FAM3C: variants seen among roughly 807,000 people sequenced by gnomAD.
FAM3C encodes FAM3 metabolism regulating signaling molecule C.
Under a neutral mutation model 32.5 loss-of-function variants are expected in FAM3C, and 15 were observed. The ratio of observed to expected loss-of-function variants is 0.46; its 90% confidence interval spans 0.31 to 0.71. FAM3C has a LOEUF of 0.71. Among genes scored for constraint, FAM3C ranks in the 30% least tolerant of loss-of-function variants. FAM3C has a pLI of 0.05. For missense variants in FAM3C, 175 were observed against 274.4 expected (o/e 0.64, Z 2.56); for synonymous variants, 75 against 86.1 (o/e 0.87, Z 0.72).
chr7:121,387,864 T>G (rs1387356723), intron 1 of FAM3C, among the ~76,000 whole-genome samples: 1 of 152,102 alleles, frequency 6.6e-6, no homozygotes, highest in Non-Finnish European at 1.5e-5. Context: ...ATTCCAAATA[T>G]TTAGCTTTAA....
At chr7:121,381,045 T>C (rs1794340810) in intron 2 of FAM3C, among the ~76,000 whole-genome samples, 1 of 152,108 alleles carries the variant, frequency 6.6e-6, no homozygotes, top group Non-Finnish European at 1.5e-5. Flanking sequence ...TCCATGGGGT[T>C]AGAGTTCTGG....
chr7:121,358,759 T>C (rs1584691148), intron 8 of FAM3C, among the ~76,000 whole-genome samples: 1 of 152,150 alleles, frequency 6.6e-6, no homozygotes, highest in Non-Finnish European at 1.5e-5. Context: ...TTCTCAAGTA[T>C]ACAAGGAGAG....
chr7:121,367,344 A>G (rs898330219), intron 5 of FAM3C, among the ~76,000 whole-genome samples: 6 of 152,182 alleles, frequency 3.9e-5, no homozygotes, highest in African/African-American at 1.4e-4. Flanking sequence ...GGCTTGGCAA[A>G]CTATAGCTCA....
intron 8 of FAM3C, among the ~76,000 whole-genome samples, chr7:121,355,649 T>C (rs185416764): frequency 7.3e-4 from 111 of 152,270 alleles, no homozygotes; most frequent in African/African-American, 2.6e-3. Context: ...AGTGAGCATA[T>C]GATAGTCTCA....
At chr7:121,381,857 C>T (rs879448521) in intron 2 of FAM3C, among the ~76,000 whole-genome samples, 2 of 152,104 alleles carry the variant, frequency 1.3e-5, no homozygotes, top group Admixed American at 6.6e-5. Flanking sequence ...GCATTTGTAA[C>T]AGCCCTCAGT....
At chr7:121,393,304 T>C (rs189468016) in intron 1 of FAM3C, among the ~76,000 whole-genome samples, 269 of 152,166 alleles carry the variant, frequency 1.8e-3, no homozygotes, top group Non-Finnish European at 2.6e-3. Context: ...AAAAAAATTA[T>C]AAAATTAGTC....
intron 8 of FAM3C, among the ~76,000 whole-genome samples, chr7:121,352,623 C>T (rs1341092556): frequency 1.3e-5 from 2 of 152,226 alleles, no homozygotes; most frequent in African/African-American, 4.8e-5. Context: ...GAGGCCTTCA[C>T]ATGAAATCTG....
intron 1 of FAM3C, among the ~76,000 whole-genome samples, chr7:121,395,464 T>TA (rs74647810): frequency 0.028 from 3,944 of 141,926 alleles, 110 homozygotes; most frequent in South Asian, 0.15. Flanking sequence ...TATTTTTTCT[T>TA]AAAAAAAAAA....
At chr7:121,394,850 G>A (rs1794653443) in intron 1 of FAM3C, among the ~76,000 whole-genome samples, 1 of 152,210 alleles carries the variant, frequency 6.6e-6, no homozygotes, top group Admixed American at 6.5e-5. Context: ...TTCAGTAAGT[G>A]ATTAACTTTT....
chr7:121,374,420 T>C (rs909859077), intron 3 of FAM3C, among the ~76,000 whole-genome samples: 1 of 152,232 alleles, frequency 6.6e-6, no homozygotes, highest in African/African-American at 2.4e-5. Flanking sequence ...TAATACCATA[T>C]AATAAATATA....
At chr7:121,351,326 T>C in intron 8 of FAM3C, 57 bp from the exon 9 acceptor site, 1 of 1,453,692 alleles carries the variant, frequency 6.9e-7, no homozygotes, top group Non-Finnish European at 9.3e-7. Context: ...ATGCTAATAC[T>C]GGTTCACTGG....
intron 3 of FAM3C, among the ~76,000 whole-genome samples, chr7:121,377,182 T>C (rs1387889652): frequency 2.6e-5 from 4 of 152,152 alleles, no homozygotes; most frequent in Non-Finnish European, 2.9e-5. Flanking sequence ...ACTCTGCACT[T>C]CTCCTTTCTG....
intron 1 of FAM3C, among the ~76,000 whole-genome samples, chr7:121,395,767 C>T (rs966719896): frequency 3.0e-4 from 45 of 152,196 alleles, no homozygotes; most frequent in African/African-American, 1.1e-3. Flanking sequence ...CACCCAACTC[C>T]GTCCCCACCT....
At chr7:121,356,379 C>T (rs575214524) in intron 8 of FAM3C, among the ~76,000 whole-genome samples, 12 of 152,026 alleles carry the variant, frequency 7.9e-5, no homozygotes, top group African/African-American at 1.9e-4. Context: ...TGTATTAAGC[C>T]GGAAAAAGAG....
intron 3 of FAM3C, among the ~76,000 whole-genome samples, chr7:121,375,355 G>A (rs1794219431): frequency 6.6e-6 from 1 of 152,176 alleles, no homozygotes; most frequent in African/African-American, 2.4e-5. Context: ...TGCAGACTGT[G>A]TGCAGACTGG....
chr7:121,369,078 C>T (rs1240111856), intron 5 of FAM3C, among the ~76,000 whole-genome samples: 1 of 147,136 alleles, frequency 6.8e-6, no homozygotes, highest in Non-Finnish European at 1.5e-5. Flanking sequence ...CTCCTGGGTT[C>T]AAGAGATTCT....
chr7:121,382,960 C>G lies in FAM3C; in HGVS notation c.10G>C (p.Ala4Pro). 1 of 1,601,960 alleles carries G rather than the reference C, an allele frequency of 6.2e-7. No individual in the cohort carries two copies. The highest frequency in any genetic ancestry group is 8.5e-7 in the Non-Finnish European group (1 of 1,172,238). Residue 4 changes from alanine to proline, a missense_variant, in exon 2 of 10, where the codon GCA (alanine) becomes CCA (proline). Coordinates refer to ENST00000359943, the MANE Select transcript of FAM3C (RefSeq NM_014888.3). The part of the protein sequence containing the change: MRV[A>P]GAAKLVVAVA... ...TCTACTAAATTAAATATCTTACCTG[C>G]TACCCTCATGTTTGGTTTTTCAGTT...
At chr7:121,354,256 G>A (rs1793765539) in intron 8 of FAM3C, among the ~76,000 whole-genome samples, 1 of 151,980 alleles carries the variant, frequency 6.6e-6, no homozygotes, top group Non-Finnish European at 1.5e-5. Context: ...TTCCACATAG[G>A]GCACTCTGAG....
intron 5 of FAM3C, among the ~76,000 whole-genome samples, chr7:121,365,928 A>C (rs2116901969): frequency 6.6e-6 from 1 of 152,328 alleles, no homozygotes; most frequent in East Asian, 1.9e-4. Context: ...CACAGAAGAT[A>C]TACAAATGGC....
Sources: gnomAD v4.1 joint callset for allele counts (sites outside exome capture counted in the v4.1 genomes callset) on GRCh38, gnomAD v4.1.1 for gene constraint, MANE v1.5 for transcripts, NCBI Gene and HGNC (gene_info 2026-07-23, HGNC 2026-07-21) for gene names.